Variants in GALNTL6 observed in about 807,000 individuals in gnomAD.
GALNTL6 encodes the protein polypeptide N-acetylgalactosaminyltransferase-like 6.
GALNTL6 carries 46 observed loss-of-function variants against 73.7 expected under a neutral mutation model. The ratio of observed to expected loss-of-function variants is 0.62; its 90% confidence interval spans 0.49 to 0.80. The LOEUF is 0.80. GALNTL6 is among the 30% of genes least tolerant of loss of function. The pLI is 0.00. For synonymous variants in GALNTL6, 259 were observed against 263.7 expected (o/e 0.98, Z 0.17); for missense variants, 604 against 755.0 (o/e 0.80, Z 2.34).
intron 10 of GALNTL6, among the ~76,000 whole-genome samples, chr4:173,006,264 C>G (rs1191056296): frequency 6.6e-6 from 1 of 152,188 alleles, no homozygotes; most frequent in East Asian, 1.9e-4. Context: ...TTGAAGTTGT[C>G]TTCAGTATAA....
chr4:172,491,434 G>T (rs759370325), intron 5 of GALNTL6, among the ~76,000 whole-genome samples: 7 of 151,950 alleles, frequency 4.6e-5, no homozygotes, highest in Non-Finnish European at 8.8e-5. Context: ...TCTTTTAAAA[G>T]AATCATTTGG....
chr4:172,161,764 G>A (rs879257442), intron 2 of GALNTL6, among the ~76,000 whole-genome samples: 6 of 152,008 alleles, frequency 3.9e-5, no homozygotes, highest in Non-Finnish European at 8.8e-5. Context: ...ATAGATAAAT[G>A]TGATTGCTTA....
intron 5 of GALNTL6, among the ~76,000 whole-genome samples, chr4:172,771,642 T>C (rs1282149484): frequency 1.3e-5 from 2 of 152,214 alleles, no homozygotes; most frequent in Non-Finnish European, 2.9e-5. Context: ...CATTTTTCTA[T>C]GGCCATGTTC....
chr4:172,136,944 T>C (rs1190774711), intron 2 of GALNTL6, among the ~76,000 whole-genome samples: 1 of 152,116 alleles, frequency 6.6e-6, no homozygotes, highest in African/African-American at 2.4e-5. Flanking sequence ...TGCTTATTCT[T>C]ACCTTTCCTA....
chr4:172,006,970 A>C (rs566979269), intron 2 of GALNTL6, among the ~76,000 whole-genome samples: 127 of 152,318 alleles, frequency 8.3e-4, no homozygotes, highest in African/African-American at 2.9e-3. Flanking sequence ...ATAGTCAAAA[A>C]CTTTAAAGTT....
intron 2 of GALNTL6, among the ~76,000 whole-genome samples, chr4:171,910,709 T>C (rs1290532039): frequency 6.6e-6 from 1 of 152,178 alleles, no homozygotes; most frequent in Non-Finnish European, 1.5e-5. Context: ...CTTCTTATGG[T>C]TAACAATCCA....
At chr4:172,324,308 A>C (rs1247411267) in intron 4 of GALNTL6, among the ~76,000 whole-genome samples, 1 of 151,934 alleles carries the variant, frequency 6.6e-6, no homozygotes, top group Non-Finnish European at 1.5e-5. Flanking sequence ...TTATTAATGA[A>C]TGTTAAGAAT....
chr4:172,644,562 T>C (rs1011195512), intron 5 of GALNTL6, among the ~76,000 whole-genome samples: 1 of 152,002 alleles, frequency 6.6e-6, no homozygotes, highest in Non-Finnish European at 1.5e-5. Context: ...ATGTATTGCA[T>C]GTAGCAGTCA....
intron 2 of GALNTL6, among the ~76,000 whole-genome samples, chr4:172,078,269 G>A (rs1731769452): frequency 6.6e-6 from 1 of 152,116 alleles, no homozygotes; most frequent in Non-Finnish European, 1.5e-5. Flanking sequence ...TATGATATGT[G>A]ATGGCTTAAA....
intron 8 of GALNTL6, among the ~76,000 whole-genome samples, chr4:172,884,285 AT>A (rs550974408): frequency 7.8e-4 from 118 of 152,190 alleles, no homozygotes; most frequent in South Asian, 1.7e-3. Flanking sequence ...GGATTTTTAA[AT>A]TTTTTGTCTT....
chr4:172,133,858 C>T (rs1254478014), intron 2 of GALNTL6, among the ~76,000 whole-genome samples: 1 of 152,130 alleles, frequency 6.6e-6, no homozygotes, highest in Non-Finnish European at 1.5e-5. Context: ...GACAAAGTCT[C>T]AAAGATCACA....
intron 5 of GALNTL6, among the ~76,000 whole-genome samples, chr4:172,565,768 A>G (rs528360042): frequency 3.3e-4 from 50 of 152,196 alleles, no homozygotes; most frequent in Non-Finnish European, 5.6e-4. Flanking sequence ...ATGGTTATTG[A>G]TGCAATGTCC....
chr4:172,366,048 G>A (rs1469182772), intron 5 of GALNTL6, among the ~76,000 whole-genome samples: 4 of 152,158 alleles, frequency 2.6e-5, no homozygotes, highest in African/African-American at 9.6e-5. Context: ...GGTTCTTATA[G>A]CTTGTGAGAG....
At chr4:172,785,164 C>T (rs1276463445) in intron 5 of GALNTL6, among the ~76,000 whole-genome samples, 1 of 151,968 alleles carries the variant, frequency 6.6e-6, no homozygotes, top group Non-Finnish European at 1.5e-5. Context: ...ATATAAAATA[C>T]AAGAAAACCT....
At chr4:172,917,126 T>C (rs983694998) in intron 8 of GALNTL6, among the ~76,000 whole-genome samples, 1 of 152,130 alleles carries the variant, frequency 6.6e-6, no homozygotes, top group African/African-American at 2.4e-5. Context: ...TTGACAAACC[T>C]GACAAAAACA....
rs530520792 is a variant in GALNTL6 at position 171,940,797 on chromosome 4, G to A, written c.138+126079G>A. On this transcript the variant is annotated intron_variant, in intron 2 of 12. Coordinates refer to ENST00000506823, the MANE Select transcript of GALNTL6 (RefSeq NM_001034845.3). ...TGCGCCACTGCACTCCAGACTGGAC[G>A]ACAGAGCAAGATTCCATCTCAGAAA... 3.4e-5 allele frequency among the ~76,000 whole-genome samples: 5 copies of A among 149,156 alleles called. No homozygotes were observed. The South Asian group carries it at 8.5e-4, about 25-fold the overall frequency.
At chr4:172,539,404 T>G (rs1207137144) in intron 5 of GALNTL6, among the ~76,000 whole-genome samples, 2 of 152,222 alleles carry the variant, frequency 1.3e-5, no homozygotes, top group African/African-American at 2.4e-5. Context: ...ATGTTTCAAC[T>G]TTCTGTTTCT....
intron 7 of GALNTL6, among the ~76,000 whole-genome samples, chr4:172,841,977 G>A (rs778448161): frequency 5.3e-5 from 8 of 152,172 alleles, no homozygotes; most frequent in Non-Finnish European, 8.8e-5. Context: ...TGGCTCTGTT[G>A]TGAGTCCTTA....
chr4:172,286,171 G>T (rs1739238979), intron 3 of GALNTL6, among the ~76,000 whole-genome samples: 1 of 152,014 alleles, frequency 6.6e-6, no homozygotes, highest in African/African-American at 2.4e-5. Context: ...TCATTTTCTT[G>T]CTAGTTTGTC....
Sources: allele counts gnomAD v4.1 joint callset (sites outside exome capture counted in the v4.1 genomes callset), GRCh38; gene constraint gnomAD v4.1.1; transcripts MANE v1.5; gene names NCBI Gene and HGNC (gene_info 2026-07-23, HGNC 2026-07-21).